ERP27: variants seen among roughly 807,000 people sequenced by gnomAD.
The protein encoded by ERP27 is endoplasmic reticulum protein 27.
In ERP27, 23 loss-of-function variants were observed where a neutral mutation model predicts 27.7. The ratio of observed to expected loss-of-function variants is 0.83; its 90% CI spans 0.60 to 1.18. The LOEUF (loss-of-function observed/expected upper bound fraction) is 1.18. ERP27 is among the 50% of genes most tolerant of loss of function. The pLI is 0.00. For missense variants in ERP27, 363 were observed against 327.9 expected, an observed-to-expected ratio of 1.11 and a Z score of -0.83; for synonymous variants, 159 against 118.3, an observed-to-expected ratio of 1.34 and a Z score of -2.23.
chr12:14,921,021 C>T lies in ERP27; in HGVS notation c.361G>A (p.Asp121Asn). ...GCATCAATGCTTTCAATGTCTTCGT[C>T]CTCTAAATTCAGTTGTTCATTGTCT... ...LVDNEQLNLE[D>N]EDIESIDATK... is the part of the protein sequence containing the mutation. Residue 121 changes from aspartate to asparagine, a missense_variant, in exon 4 of 7, where the codon GAC (aspartate) becomes AAC (asparagine). Coordinates refer to ENST00000266397, the MANE Select transcript of ERP27 (RefSeq NM_152321.4). The T allele has an allele frequency of 3.1e-6, 5 of 1,614,054 alleles. No homozygotes were observed. The highest frequency in any genetic ancestry group is 4.2e-6 in the Non-Finnish European group (5 of 1,179,950).
chr12:14,923,012 T>G (rs899712085), intron 3 of ERP27, among the ~76,000 whole-genome samples: 11 of 148,916 alleles, frequency 7.4e-5, no homozygotes, highest in African/African-American at 2.7e-4. Flanking sequence ...GAGGGGAGGT[T>G]GCAGTGAGCC....
chr12:14,914,394 TAGAGGCATCAC>T lies in ERP27; in HGVS notation c.*330_*340del, dbSNP rs1863372120. ...TTTCTCTAGGAATGCCTCTCTTTCA[TAGAGGCATCAC>T]AGTGAGTCTCTTAAAGCCTTGATCT... On this transcript the variant is annotated 3_prime_UTR_variant, in exon 7 of 7. Transcript: ENST00000266397. 1 of 265,982 alleles carries T rather than the reference TAGAGGCATCAC, an allele frequency of 3.8e-6. No individual in the cohort carries two copies. The highest frequency in any genetic ancestry group is 5.0e-5 in the Admixed American group (1 of 20,156). The allele number at this position is 265,982 out of a possible 1,614,324, so 16.5% of individuals were successfully genotyped here. A position where few individuals can be genotyped will look rare whatever the true frequency, so the allele number is the denominator to read the frequency against.
intron 3 of ERP27, among the ~76,000 whole-genome samples, chr12:14,921,289 T>C (rs1863499899): frequency 6.6e-6 from 1 of 152,150 alleles, no homozygotes. Flanking sequence ...ATGTCACCTA[T>C]GGAAGAGCAG....
chr12:14,934,369 CA>C (rs1242971555), intron 3 of ERP27, among the ~76,000 whole-genome samples: 1 of 151,954 alleles, frequency 6.6e-6, no homozygotes, highest in Non-Finnish European at 1.5e-5. Context: ...CAATACCTAC[CA>C]TACTTAAAGA....
At chr12:14,917,854 T>C (rs543801208) in intron 4 of ERP27, among the ~76,000 whole-genome samples, 2 of 152,154 alleles carry the variant, frequency 1.3e-5, no homozygotes, top group African/African-American at 4.8e-5. Context: ...CCACCCCAAA[T>C]TGGATGACCT....
At chr12:14,922,941 C>G (rs1027693065) in intron 3 of ERP27, among the ~76,000 whole-genome samples, 1 of 151,936 alleles carries the variant, frequency 6.6e-6, no homozygotes, top group Non-Finnish European at 1.5e-5. Context: ...TGGTGGTGCA[C>G]GCCTGTAATG....
At chr12:14,920,595 C>G (rs1293311479) in intron 4 of ERP27, among the ~76,000 whole-genome samples, 3 of 152,176 alleles carry the variant, frequency 2.0e-5, no homozygotes, top group Non-Finnish European at 4.4e-5. Context: ...TGGTCTCAAA[C>G]TCCTGGACAC....
At chr12:14,918,943 G>C (rs897121247) in intron 4 of ERP27, among the ~76,000 whole-genome samples, 11 of 152,222 alleles carry the variant, frequency 7.2e-5, no homozygotes, top group Non-Finnish European at 1.5e-4. Flanking sequence ...TTCCTGGGAA[G>C]AGTAAAGAAA....
intron 2 of ERP27, 174 bp from the exon 3 acceptor site, chr12:14,935,167 A>G (rs555546926): frequency 8.8e-5 from 87 of 985,192 alleles, no homozygotes; most frequent in Non-Finnish European, 1.0e-4. Context: ...ACATTCTTGA[A>G]TTTTCCAGGC....
At chr12:14,919,950 A>G (rs1863475078) in intron 4 of ERP27, among the ~76,000 whole-genome samples, 1 of 152,098 alleles carries the variant, frequency 6.6e-6, no homozygotes, top group African/African-American at 2.4e-5. Context: ...TTCTACCTCA[A>G]AAAAAATCAA....
chr12:14,932,409 G>A (rs1403102463), intron 3 of ERP27, among the ~76,000 whole-genome samples: 1 of 152,116 alleles, frequency 6.6e-6, no homozygotes, highest in Non-Finnish European at 1.5e-5. Context: ...ACCCTTGGCG[G>A]GTGGTGGCAT....
chr12:14,929,278 C>T (rs1176897430), intron 3 of ERP27, among the ~76,000 whole-genome samples: 1 of 152,180 alleles, frequency 6.6e-6, no homozygotes, highest in Non-Finnish European at 1.5e-5. Context: ...GTGGTGATAA[C>T]ATTCTCTAAG....
intron 2 of ERP27, among the ~76,000 whole-genome samples, chr12:14,936,396 A>T (rs1361824001): frequency 6.6e-6 from 1 of 152,186 alleles, no homozygotes; most frequent in African/African-American, 2.4e-5. Context: ...CAGTGATTCC[A>T]GGCCTTCCAT....
rs756091411 is a variant in ERP27, at chr12:14,934,990, A to G, written c.199T>C (p.Leu67=). The change falls in exon 3 of 7, where the codon TTA becomes CTA. Residue 67 remains leucine, a synonymous_variant. Transcript: ENST00000266397. ...EVAVIGFFQD[L]EIPAVPILHS... is the part of the protein sequence containing the mutation. ...AGTATGGGCACTGCTGGTATTTCTA[A>G]ATCCTAAAAACAAGAGAAAAAATAA... 1.2e-6 allele frequency: 2 copies of G among 1,613,810 alleles called. No individual in the cohort carries two copies. The highest frequency in any genetic ancestry group is 1.7e-6 in the Non-Finnish European group (2 of 1,179,874).
intron 3 of ERP27, among the ~76,000 whole-genome samples, chr12:14,927,509 A>G (rs1337945465): frequency 6.6e-6 from 1 of 151,794 alleles, no homozygotes; most frequent in African/African-American, 2.4e-5. Flanking sequence ...GTGTTGTACT[A>G]GATTCACCTC....
At chr12:14,923,245 C>G (rs1246198749) in intron 3 of ERP27, among the ~76,000 whole-genome samples, 1 of 152,076 alleles carries the variant, frequency 6.6e-6, no homozygotes, top group Non-Finnish European at 1.5e-5. Flanking sequence ...GAATCTACAC[C>G]ATTGGTGCTT....
chr12:14,915,384 C>T, intron 6 of ERP27, 105 bp downstream of exon 6: 3 of 1,181,958 alleles, frequency 2.5e-6, no homozygotes, highest in East Asian at 2.5e-5. Context: ...CATTAACCAA[C>T]ATTTTGCTCT....
chr12:14,916,191 C>A (rs552636417), intron 5 of ERP27, among the ~76,000 whole-genome samples: 1 of 152,054 alleles, frequency 6.6e-6, no homozygotes, highest in Non-Finnish European at 1.5e-5. Context: ...AATGAATTTC[C>A]TATTATTTTG....
At chr12:14,925,825 T>C (rs967815585) in intron 3 of ERP27, among the ~76,000 whole-genome samples, 3 of 152,004 alleles carry the variant, frequency 2.0e-5, no homozygotes, top group African/African-American at 7.3e-5. Context: ...ATCCCAGCAC[T>C]TTGGGAGGCT....
Sources: allele counts gnomAD v4.1 joint callset (sites outside exome capture counted in the v4.1 genomes callset), GRCh38; gene constraint gnomAD v4.1.1; transcripts MANE v1.5; gene names NCBI Gene and HGNC (gene_info 2026-07-23, HGNC 2026-07-21).